Variants in MCM6 observed in about 807,000 individuals in gnomAD.
MCM6 encodes the protein DNA replication licensing factor MCM6.
MCM6 carries 46 observed loss-of-function variants against 94.3 expected under a neutral mutation model. The observed-to-expected ratio is 0.49, with a 90% CI of 0.39 to 0.62. MCM6 has a LOEUF of 0.62. Among genes scored for constraint, MCM6 ranks in the 20% least tolerant of loss-of-function variants. The probability of loss-of-function intolerance (pLI) is 0.00; values close to 1 mark genes in which losing one functional copy is unlikely to be tolerated. For synonymous variants in MCM6, 335 were observed against 351.9 expected, an observed-to-expected ratio of 0.95 and a Z score of 0.54; for missense variants, 865 against 1,017.9, an observed-to-expected ratio of 0.85 and a Z score of 2.04.
At chr2:135,858,904 T>G (rs1679939002) in intron 9 of MCM6, among the ~76,000 whole-genome samples, 1 of 152,168 alleles carries the variant, frequency 6.6e-6, no homozygotes, top group South Asian at 2.1e-4. Context: ...TTGTTTTGGT[T>G]TTTTTGAGAC....
chr2:135,861,476 G>A (rs1558760284), intron 8 of MCM6, among the ~76,000 whole-genome samples: 1 of 151,982 alleles, frequency 6.6e-6, no homozygotes, highest in Admixed American at 6.6e-5. Flanking sequence ...TTTATTTTGG[G>A]CCCTAAGTTT....
intron 12 of MCM6, among the ~76,000 whole-genome samples, chr2:135,852,188 A>G (rs1213483368): frequency 2.0e-5 from 3 of 152,246 alleles, no homozygotes; most frequent in Non-Finnish European, 4.4e-5. Flanking sequence ...TCAAGTGAAG[A>G]TGATAAATGA....
At chr2:135,843,045 G>T (rs960089017) in intron 16 of MCM6, among the ~76,000 whole-genome samples, 3 of 152,202 alleles carry the variant, frequency 2.0e-5, no homozygotes, top group Admixed American at 2.0e-4. Flanking sequence ...TCCATGCCTG[G>T]TGGCTTGGGT....
intron 15 of MCM6, 58 bp downstream of exon 15, chr2:135,846,179 A>C: frequency 1.3e-5 from 20 of 1,550,374 alleles, no homozygotes; most frequent in Non-Finnish European, 1.8e-5. Context: ...CAAGTGGCCT[A>C]TGTGAACAGA....
chr2:135,850,301 A>ATTC (rs1575359602), intron 13 of MCM6, among the ~76,000 whole-genome samples: 29 of 151,376 alleles, frequency 1.9e-4, no homozygotes, highest in Non-Finnish European at 1.9e-4. Flanking sequence ...TTTTTTTTTA[A>ATTC]TTTCCAACTT....
intron 3 of MCM6, 80 bp from the exon 4 acceptor site, chr2:135,868,940 A>C (rs771888066): frequency 3.6e-6 from 5 of 1,371,842 alleles, no homozygotes; most frequent in Non-Finnish European, 5.1e-6. Context: ...AGGGTATTCA[A>C]AGATAATTTA....
chr2:135,859,500 AG>A (rs1270068982), intron 8 of MCM6, 58 bp from the exon 9 acceptor site: 2 of 1,231,830 alleles, frequency 1.6e-6, no homozygotes, highest in Admixed American at 2.4e-5. Flanking sequence ...CACCCTTCCC[AG>A]GAAAACCAGC....
intron 2 of MCM6, 117 bp downstream of exon 2, chr2:135,872,580 G>A (rs1242186600): frequency 3.7e-6 from 4 of 1,085,514 alleles, no homozygotes; most frequent in South Asian, 1.5e-5. Flanking sequence ...CTTCTCAGTG[G>A]GAAATAACTG....
intron 16 of MCM6, among the ~76,000 whole-genome samples, chr2:135,841,218 A>G (rs1679563399): frequency 6.6e-6 from 1 of 152,194 alleles, no homozygotes; most frequent in African/African-American, 2.4e-5. Context: ...AAATGCTTGT[A>G]AATACAACTT....
intron 8 of MCM6, among the ~76,000 whole-genome samples, chr2:135,859,971 T>C (rs940200155): frequency 1.3e-5 from 2 of 151,676 alleles, no homozygotes; most frequent in Non-Finnish European, 2.9e-5. Flanking sequence ...GCCCGGCTAA[T>C]TTTTGTATTT....
In MCM6 at chr2:135,840,774, G is replaced by T; in HGVS notation, c.*61C>A. 8.6e-7 allele frequency: 1 copy of T among 1,156,180 alleles called. No homozygotes were observed. Among genetic ancestry groups the T allele is most frequent in the Non-Finnish European group, 1.3e-6 (1 of 766,094 alleles). 71.6% of individuals were successfully genotyped at this position (1,156,180 alleles called of 1,614,324 possible). A position where few individuals can be genotyped will look rare whatever the true frequency, so the allele number is the denominator to read the frequency against. Reference sequence around the variant, plus strand: ...CTGTCCCTAGCAGAGCTCCAGCCAGGCTCCAGGCCACGAGGTGCTGTGCCA... The same window carrying T: ...CTGTCCCTAGCAGAGCTCCAGCCAGTCTCCAGGCCACGAGGTGCTGTGCCA... On this transcript the variant is annotated 3_prime_UTR_variant, in exon 17 of 17. Coordinates refer to ENST00000264156, the MANE Select transcript of MCM6 (RefSeq NM_005915.6).
In MCM6 at chr2:135,852,818, T is replaced by C. The variant is rs1679801378; in HGVS notation, c.1724A>G (p.Tyr575Cys). 1 of 1,606,174 alleles carries C rather than the reference T, an allele frequency of 6.2e-7. No individual in the cohort carries two copies. The highest frequency in any genetic ancestry group is 8.5e-7 in the Non-Finnish European group (1 of 1,176,928). ...TTTAAACTGTCTTGCAAAGAGAAGA[T>C]ATCTTCTGATATCATCGAGGGAATA... ...RVYSLDDIRRYLLFARQFKPK... is the reference protein window; with the variant it reads ...RVYSLDDIRRCLLFARQFKPK... Residue 575 changes from tyrosine (Y) to cysteine (C), a missense_variant, in exon 12 of 17, where the codon TAT becomes TGT. Tyr to Cys is a radical substitution (Grantham distance 194). Transcript: ENST00000264156.
chr2:135,858,523 A>C (rs1220813299), intron 9 of MCM6, among the ~76,000 whole-genome samples: 1 of 152,114 alleles, frequency 6.6e-6, no homozygotes, highest in African/African-American at 2.4e-5. Context: ...GAAAATTACA[A>C]GTAAACTCAC....
At chr2:135,860,076 T>A (rs144506597) in intron 8 of MCM6, among the ~76,000 whole-genome samples, 81 of 152,178 alleles carry the variant, frequency 5.3e-4, no homozygotes, top group African/African-American at 1.7e-3. Context: ...AGTGCTGGGA[T>A]TACAGGCGTG....
rs1478922418 is a variant in MCM6, at chr2:135,869,920, C to CA, written c.365+330dup. ...AACTCCTACAAAAGTCAACCTTCTA[C>CA]AAAATCTGAATGCAAACCACTATTT... On this transcript the variant is annotated intron_variant, in intron 3 of 16. Transcript: ENST00000264156. Among the ~76,000 whole-genome samples the CA allele has an allele frequency of 9.2e-5, 14 of 152,198 alleles. No individual in the cohort carries two copies. In the Middle Eastern group the frequency reaches 9.5e-3, roughly 103 times the overall value.
intron 7 of MCM6, among the ~76,000 whole-genome samples, chr2:135,864,397 T>A (rs1269572236): frequency 2.0e-5 from 3 of 152,100 alleles, no homozygotes; most frequent in African/African-American, 7.2e-5. Flanking sequence ...CTGGGGAGGC[T>A]GGAGGTAGGG....
At chr2:135,854,107 G>A (rs1449019852) in intron 11 of MCM6, among the ~76,000 whole-genome samples, 1 of 152,146 alleles carries the variant, frequency 6.6e-6, no homozygotes, top group East Asian at 1.9e-4. Flanking sequence ...TGCACCTGTA[G>A]TTCCAGCTGC....
chr2:135,869,559 C>CA (rs1251143164), intron 3 of MCM6, among the ~76,000 whole-genome samples: 2 of 151,628 alleles, frequency 1.3e-5, no homozygotes, highest in East Asian at 3.9e-4. Flanking sequence ...ACTTCCTTTA[C>CA]AAACCCATTT....
intron 4 of MCM6, among the ~76,000 whole-genome samples, chr2:135,867,512 G>A (rs983847371): frequency 6.6e-6 from 1 of 152,106 alleles, no homozygotes; most frequent in African/African-American, 2.4e-5. Flanking sequence ...GATTATCAGA[G>A]CAATATAAAT....
Sources: allele counts gnomAD v4.1 joint callset (sites outside exome capture counted in the v4.1 genomes callset), GRCh38; gene constraint gnomAD v4.1.1; transcripts MANE v1.5; gene names NCBI Gene and HGNC (gene_info 2026-07-23, HGNC 2026-07-21).